The following SYT17 variants were observed in gnomAD, a reference collection of about 807,000 sequenced individuals.
The protein encoded by SYT17 is synaptotagmin-17.
SYT17 carries 22 observed loss-of-function variants against 46.7 expected under a neutral mutation model. The observed-to-expected ratio is 0.47, with a 90% confidence interval of 0.34 to 0.67. SYT17 has a LOEUF of 0.67. Ranked by LOEUF, SYT17 falls within the 30% of genes least tolerant of loss-of-function variation. The probability of loss-of-function intolerance (pLI) is 0.01; values close to 1 mark genes in which losing one functional copy is unlikely to be tolerated. For synonymous variants in SYT17, 251 were observed against 248.4 expected (o/e 1.01, Z -0.10); for missense variants, 519 against 612.8 (o/e 0.85, Z 1.62).
At chr16:19,206,446 A>G (rs531841153) in intron 5 of SYT17, among the ~76,000 whole-genome samples, 4 of 152,276 alleles carry the variant, frequency 2.6e-5, no homozygotes, top group African/African-American at 9.6e-5. Context: ...TGGGATTGCA[A>G]TGGAGGTCTG....
intron 7 of SYT17, among the ~76,000 whole-genome samples, chr16:19,257,189 GA>G (rs940396616): frequency 4.6e-5 from 7 of 151,614 alleles, no homozygotes; most frequent in Admixed American, 3.9e-4. Context: ...GGAAAAACAT[GA>G]AAAAAAAGTT....
At chr16:19,241,740 G>A (rs1967143275) in intron 7 of SYT17, among the ~76,000 whole-genome samples, 1 of 152,198 alleles carries the variant, frequency 6.6e-6, no homozygotes, top group African/African-American at 2.4e-5. Flanking sequence ...AGCTACGGCG[G>A]GGCAGAGAGA....
chr16:19,175,036 G>A (rs1381867447), intron 3 of SYT17, among the ~76,000 whole-genome samples: 1 of 152,140 alleles, frequency 6.6e-6, no homozygotes, highest in Non-Finnish European at 1.5e-5. Flanking sequence ...GGCTGAGGTG[G>A]GAGGATCGCT....
intron 7 of SYT17, among the ~76,000 whole-genome samples, chr16:19,261,588 T>C (rs1345726408): frequency 6.6e-6 from 1 of 152,258 alleles, no homozygotes; most frequent in Non-Finnish European, 1.5e-5. Flanking sequence ...ATGTACTTTC[T>C]GTAAGAAGTT....
chr16:19,224,030 T>C (rs966812616), intron 6 of SYT17, among the ~76,000 whole-genome samples: 1 of 152,258 alleles, frequency 6.6e-6, no homozygotes, highest in Admixed American at 6.5e-5. Context: ...AGTATTCATC[T>C]TGATAAGTTG....
At chr16:19,246,850 A>C (rs1967614850) in intron 7 of SYT17, among the ~76,000 whole-genome samples, 1 of 152,230 alleles carries the variant, frequency 6.6e-6, no homozygotes. Context: ...ATTAGACAAA[A>C]ATCCCAGGTT....
chr16:19,245,786 A>AG (rs996630913), intron 7 of SYT17, among the ~76,000 whole-genome samples: 9 of 152,172 alleles, frequency 5.9e-5, no homozygotes, highest in Admixed American at 5.2e-4. Flanking sequence ...CCAGCTTGAG[A>AG]GGGAGCGGGG....
chr16:19,257,791 G>C (rs184419687), intron 7 of SYT17, among the ~76,000 whole-genome samples: 9 of 152,072 alleles, frequency 5.9e-5, no homozygotes, highest in African/African-American at 2.2e-4. Context: ...GAGGTTTCGG[G>C]GTGCCAGCCA....
chr16:19,254,129 C>G (rs1043097430), intron 7 of SYT17, among the ~76,000 whole-genome samples: 4 of 152,180 alleles, frequency 2.6e-5, no homozygotes, highest in Non-Finnish European at 5.9e-5. Context: ...TGGGATGGGA[C>G]TAAGTTGTTA....
chr16:19,226,387 A>G (rs1016530179), intron 7 of SYT17, among the ~76,000 whole-genome samples: 2 of 152,162 alleles, frequency 1.3e-5, no homozygotes, highest in Admixed American at 1.3e-4. Context: ...TCTCCCAAGA[A>G]ATCAATCCAT....
At position 19,254,194 on chromosome 16, in the gene SYT17, C is replaced by A. The variant is rs994090817; in HGVS notation, c.1229-12686C>A. Among the ~76,000 whole-genome samples, 4 of 152,168 alleles carry A rather than the reference C, an allele frequency of 2.6e-5. No individual in the cohort carries two copies. In the East Asian group the frequency reaches 7.7e-4, roughly 29 times the overall value. ...GGACCTGCCTGCCCACCACAGGCACCACCCTCTGCAACTCCCTGAGTGAGT... is the reference window on the plus strand; with the variant it reads ...GGACCTGCCTGCCCACCACAGGCACAACCCTCTGCAACTCCCTGAGTGAGT... On this transcript the variant is annotated intron_variant, in intron 7 of 7. Coordinates refer to ENST00000355377, the MANE Select transcript of SYT17 (RefSeq NM_016524.4).
rs1405047731 is a variant in SYT17, at chr16:19,221,207, A to AG, written c.952-1838_952-1837insG. Among the ~76,000 whole-genome samples, 298 of 147,104 alleles carry AG rather than the reference A, an allele frequency of 2.0e-3. 1 individual carries two copies. Among genetic ancestry groups the AG allele is most frequent in the African/African-American group, 7.1e-3 (273 of 38,592 alleles). ...GTCTCAAAAAAAAAAAAAAAAAAAA[A>AG]AGAGAGAGAGAGAATGAGGAATCTG... On this transcript the variant is annotated intron_variant, in intron 5 of 7. Transcript: ENST00000355377.
Position 19,168,707 on chromosome 16 carries a change from G to T in SYT17, c.15+46G>T. The T allele has an allele frequency of 6.9e-7, 1 of 1,440,608 alleles. No homozygotes were observed. The highest frequency in any genetic ancestry group is 9.2e-7 in the Non-Finnish European group (1 of 1,092,566). The allele number at this position is 1,440,608 out of a possible 1,614,324, so 89.2% of individuals were successfully genotyped here. On this transcript the variant is annotated intron_variant, in intron 1 of 7. Coordinates refer to ENST00000355377, the MANE Select transcript of SYT17 (RefSeq NM_016524.4). This position sits in a 1 kb window ranked among gnomAD's most constrained non-coding sequence, Gnocchi z 6.9. ...AAGGTCCGGGGTGCGGGTAGGGGGT[G>T]CCGCGCCCCCTCCGGCTGGGAGCGC...
intron 7 of SYT17, among the ~76,000 whole-genome samples, chr16:19,240,634 C>T (rs1199672367): frequency 6.6e-6 from 1 of 152,218 alleles, no homozygotes; most frequent in South Asian, 2.1e-4. Context: ...GACTGGCGGC[C>T]TGGTCCCCAG....
intron 1 of SYT17, chr16:19,172,556 G>A (rs1964138405): frequency 2.0e-6 from 3 of 1,507,916 alleles, no homozygotes; most frequent in Non-Finnish European, 2.6e-6. Context: ...GCTACCAGCA[G>A]CCCTGAAAAT....
intron 5 of SYT17, among the ~76,000 whole-genome samples, chr16:19,217,201 G>A (rs898647775): frequency 6.6e-6 from 1 of 152,054 alleles, no homozygotes; most frequent in African/African-American, 2.4e-5. Context: ...TAGTATAAAT[G>A]TAATCATTTT....
intron 5 of SYT17, chr16:19,211,544 A>C (rs1596959237): frequency 2.9e-6 from 2 of 693,872 alleles, no homozygotes; most frequent in East Asian, 5.4e-5. Context: ...GTTAATGGGA[A>C]GCTTAGATGA....
At chr16:19,221,581 C>T (rs1363596623) in intron 5 of SYT17, among the ~76,000 whole-genome samples, 1 of 152,114 alleles carries the variant, frequency 6.6e-6, no homozygotes, top group Non-Finnish European at 1.5e-5. Context: ...GGGACTAACT[C>T]ACTCAGTACA....
chr16:19,256,302 A>T (rs1304154649), intron 7 of SYT17, among the ~76,000 whole-genome samples: 2 of 152,044 alleles, frequency 1.3e-5, no homozygotes, highest in Non-Finnish European at 2.9e-5. Flanking sequence ...AATCCTGACC[A>T]TGCTGGACCC....
Sources: gnomAD v4.1 joint callset for allele counts (sites outside exome capture counted in the v4.1 genomes callset) on GRCh38, gnomAD v4.1.1 for gene constraint, Gnocchi (gnomAD v3.1) non-coding constraint, MANE v1.5 for transcripts, NCBI Gene and HGNC (gene_info 2026-07-23, HGNC 2026-07-21) for gene names.